The following GALNT17 variants were observed in gnomAD, a reference collection of about 807,000 sequenced individuals.
GALNT17 encodes the protein polypeptide N-acetylgalactosaminyltransferase 17.
In GALNT17, 29 loss-of-function variants were observed where a neutral mutation model predicts 63.7. The observed-to-expected ratio is 0.46, with a 90% CI of 0.34 to 0.62. The LOEUF (loss-of-function observed/expected upper bound fraction) is 0.62, where lower values mean the gene tolerates loss of function less well. Ranked by LOEUF, GALNT17 falls within the 20% of genes least tolerant of loss-of-function variation. The pLI, the probability that GALNT17 is intolerant of heterozygous loss-of-function variation, is 0.01. For synonymous variants in GALNT17, 305 were observed against 318.3 expected (o/e 0.96, Z 0.45); for missense variants, 603 against 799.6 (o/e 0.75, Z 2.97).
At chr7:71,610,643 G>A (rs963343189) in intron 6 of GALNT17, among the ~76,000 whole-genome samples, 2 of 152,012 alleles carry the variant, frequency 1.3e-5, no homozygotes, top group Non-Finnish European at 2.9e-5. Context: ...GAAATACACA[G>A]CTTTTAATGT....
Position 71,665,547 on chromosome 7 carries a change from T to C in GALNT17, c.1217T>C (p.Met406Thr). ...GCTCTTCGCGTTGCTGAGGTCTGGA[T>C]GGACGATTACAAGTCTCATGTGTAC... ...RNALRVAEVW[M>T]DDYKSHVYIA... is the part of the protein sequence containing the mutation. The change falls in exon 7 of 11, where the codon ATG becomes ACG. Residue 406 changes from methionine (M) to threonine (T), a missense_variant. Coordinates refer to ENST00000333538, the MANE Select transcript of GALNT17 (RefSeq NM_022479.3). 2 of 1,614,102 alleles carry C rather than the reference T, an allele frequency of 1.2e-6. No homozygotes were observed. Among genetic ancestry groups the C allele is most frequent in the Non-Finnish European group, 1.7e-6 (2 of 1,180,008 alleles).
At chr7:71,307,353 T>G (rs543286409) in intron 1 of GALNT17, among the ~76,000 whole-genome samples, 4 of 152,070 alleles carry the variant, frequency 2.6e-5, no homozygotes, top group Non-Finnish European at 5.9e-5. Context: ...TGGTATCTCA[T>G]TGTGGTTTAT....
intron 3 of GALNT17, among the ~76,000 whole-genome samples, chr7:71,390,070 C>T (rs1169780362): frequency 6.6e-6 from 1 of 152,132 alleles, no homozygotes; most frequent in African/African-American, 2.4e-5. Context: ...CCCACAAGCT[C>T]ATGAGATAAA....
intron 9 of GALNT17, among the ~76,000 whole-genome samples, chr7:71,685,019 G>A (rs1185784763): frequency 1.3e-5 from 2 of 151,866 alleles, no homozygotes; most frequent in East Asian, 3.9e-4. Context: ...ATTCAGATAG[G>A]GCAATGCCAG....
intron 6 of GALNT17, among the ~76,000 whole-genome samples, chr7:71,661,270 C>T (rs1790903953): frequency 6.6e-6 from 1 of 152,132 alleles, no homozygotes; most frequent in Non-Finnish European, 1.5e-5. Context: ...CTGACTCCTC[C>T]CCTTACTGAC....
rs113851150 is a variant in GALNT17, at chr7:71,448,357, A to ATGTGTG, written c.962+27269_962+27274dup. Among the ~76,000 whole-genome samples, 441 of 147,682 alleles carry ATGTGTG rather than the reference A, an allele frequency of 3.0e-3. 3 individuals are homozygous for ATGTGTG. Among genetic ancestry groups the ATGTGTG allele is most frequent in the African/African-American group, 1.0e-2 (405 of 40,680 alleles). On this transcript the variant is annotated intron_variant, in intron 5 of 10. Transcript: ENST00000333538. ...TTGTTGATATCCTTACTTCGTGTGTATGTGTGTGTGTGTGTGTGTGTGGTC... is the reference window on the plus strand; with the variant it reads ...TTGTTGATATCCTTACTTCGTGTGTATGTGTGTGTGTGTGTGTGTGTGTGTGTGGTC...
intron 3 of GALNT17, among the ~76,000 whole-genome samples, chr7:71,412,393 C>CG (rs1467472075): frequency 1.3e-5 from 2 of 149,960 alleles, no homozygotes; most frequent in Admixed American, 1.3e-4. Context: ...TTTTTTGAGA[C>CG]GGAGTCTCGC....
At chr7:71,521,480 A>G (rs1266409508) in intron 5 of GALNT17, among the ~76,000 whole-genome samples, 2 of 152,140 alleles carry the variant, frequency 1.3e-5, no homozygotes, top group Non-Finnish European at 2.9e-5. Context: ...TGTATTAACT[A>G]TTGCAATTCA....
Position 71,605,362 on chromosome 7 carries a change from C to T in GALNT17, c.1080+33960C>T, listed in dbSNP as rs573951659. Among the ~76,000 whole-genome samples, 20 of 152,098 alleles carry T rather than the reference C, an allele frequency of 1.3e-4. No homozygotes were observed. In the South Asian group the frequency reaches 3.3e-3, roughly 25 times the overall value. On this transcript the variant is annotated intron_variant, in intron 6 of 10. Coordinates refer to ENST00000333538, the MANE Select transcript of GALNT17 (RefSeq NM_022479.3). Reference sequence around the variant, plus strand: ...CAGCACTTTGGGAGGCCGAGGCAGGCGGATCACAAGGTCAAGAGATCGAGA... The same window carrying T: ...CAGCACTTTGGGAGGCCGAGGCAGGTGGATCACAAGGTCAAGAGATCGAGA...
intron 1 of GALNT17, among the ~76,000 whole-genome samples, chr7:71,206,781 T>C (rs905310135): frequency 6.6e-6 from 1 of 152,136 alleles, no homozygotes; most frequent in Non-Finnish European, 1.5e-5. Flanking sequence ...TGTCTTGCAC[T>C]GTCTGCACGA....
chr7:71,136,821 C>CT (rs1787792202), intron 1 of GALNT17, among the ~76,000 whole-genome samples: 1 of 148,162 alleles, frequency 6.7e-6, no homozygotes. Context: ...GAGTCTCACT[C>CT]TGTCACTCAG....
intron 1 of GALNT17, among the ~76,000 whole-genome samples, chr7:71,294,092 G>A (rs1791033364): frequency 6.6e-6 from 1 of 151,482 alleles, no homozygotes. Context: ...AACCCGGGAG[G>A]TGGAGCTTGC....
intron 5 of GALNT17, among the ~76,000 whole-genome samples, chr7:71,465,386 AAT>A (rs1787518793): frequency 6.6e-6 from 1 of 152,204 alleles, no homozygotes; most frequent in Non-Finnish European, 1.5e-5. Context: ...TCAGAGGCAA[AAT>A]AGAGTCAGTC....
chr7:71,159,194 GA>G (rs1478306474), intron 1 of GALNT17, among the ~76,000 whole-genome samples: 1 of 151,618 alleles, frequency 6.6e-6, no homozygotes, highest in Admixed American at 6.6e-5. Context: ...AATAGACTCT[GA>G]AATTATTTCC....
chr7:71,637,909 A>G (rs74564119), intron 6 of GALNT17, among the ~76,000 whole-genome samples: 17,467 of 152,260 alleles, frequency 0.11, 1,160 homozygotes, highest in Non-Finnish European at 0.15. Flanking sequence ...CAAGTTTATT[A>G]AGAAAGTAAA....
rs1000080274 is a variant in GALNT17 at position 71,585,929 on chromosome 7, G to A, written c.1080+14527G>A. On this transcript the variant is annotated intron_variant, in intron 6 of 10. Transcript: ENST00000333538. The stretch of plus-strand genomic sequence containing the variant: ...TTCCTGATTTCTTTTTTTTTTTTTT[G>A]AGAAGGAGTCTTGCTCTGTCACCCA... Among the ~76,000 whole-genome samples the A allele has an allele frequency of 3.9e-4, 20 of 50,772 alleles. 1 individual carries two copies. The South Asian group carries it at 0.018, about 45-fold the overall frequency. 33.3% of individuals were successfully genotyped at this position (50,772 alleles called of 152,430 possible).
chr7:71,547,105 C>T (rs1788997865), intron 5 of GALNT17, among the ~76,000 whole-genome samples: 1 of 151,848 alleles, frequency 6.6e-6, no homozygotes, highest in Non-Finnish European at 1.5e-5. Flanking sequence ...GATTCTCGTG[C>T]CTCAGCCTCC....
At position 71,665,267 on chromosome 7, in the gene GALNT17, G is replaced by A. The variant is rs73354111; in HGVS notation, c.1081-144G>A. 6.0e-3 allele frequency: 5,111 copies of A among 858,162 alleles called. 193 individuals carry two copies. The African/African-American group carries it at 0.076, about 13-fold the overall frequency. 53.2% of individuals were successfully genotyped at this position (858,162 alleles called of 1,614,324 possible). Reference sequence around the variant, plus strand: ...GCTGGGATTATAGGCATGAACCACCGTGCACAACCTCTCATTGGCTTTATA... The same window carrying A: ...GCTGGGATTATAGGCATGAACCACCATGCACAACCTCTCATTGGCTTTATA... On this transcript the variant is annotated intron_variant, in intron 6 of 10. Transcript: ENST00000333538.
At chr7:71,457,808 T>C (rs1787381511) in intron 5 of GALNT17, among the ~76,000 whole-genome samples, 1 of 152,208 alleles carries the variant, frequency 6.6e-6, no homozygotes, top group African/African-American at 2.4e-5. Flanking sequence ...CGACCTCTTA[T>C]CTCATTCTGT....
Sources: gnomAD v4.1 joint callset for allele counts (sites outside exome capture counted in the v4.1 genomes callset) on GRCh38, gnomAD v4.1.1 for gene constraint, MANE v1.5 for transcripts, NCBI Gene and HGNC (gene_info 2026-07-23, HGNC 2026-07-21) for gene names.